Variants in ZBTB20 observed in about 807,000 individuals in gnomAD.
ZBTB20 encodes zinc finger and BTB domain containing 20.
Under a neutral mutation model 56.9 loss-of-function variants are expected in ZBTB20, and 9 were observed. That is an observed-to-expected ratio of 0.16 (90% CI 0.10 to 0.28). The LOEUF is 0.28. Among genes scored for constraint, ZBTB20 ranks in the 10% least tolerant of loss-of-function variants. The probability of loss-of-function intolerance (pLI) is 1.00; values close to 1 mark genes in which losing one functional copy is unlikely to be tolerated. For missense variants in ZBTB20, 655 were observed against 1,003.0 expected, an observed-to-expected ratio of 0.65 and a Z score of 4.69; for synonymous variants, 417 against 420.7, an observed-to-expected ratio of 0.99 and a Z score of 0.11.
intron 5 of ZBTB20, chr3:114,710,394 T>G (rs1188328691): frequency 6.6e-6 from 1 of 152,218 alleles, no homozygotes; most frequent in Non-Finnish European, 1.5e-5. Flanking sequence ...TCCTGTCTCA[T>G]GTATCCAACT....
intron 6 of ZBTB20, among the ~76,000 whole-genome samples, chr3:114,662,882 C>CAGA (rs924640981): frequency 2.6e-5 from 4 of 152,050 alleles, no homozygotes; most frequent in Non-Finnish European, 4.4e-5. Context: ...TTTTGCTGTG[C>CAGA]AGAAGCTCTT....
At chr3:114,777,360 C>T (rs2069682130) in intron 5 of ZBTB20, among the ~76,000 whole-genome samples, 2 of 151,864 alleles carry the variant, frequency 1.3e-5, no homozygotes, top group Admixed American at 6.6e-5. Context: ...CAAAATTAGC[C>T]GGGCATGGTG....
At chr3:114,661,124 G>A (rs1328380070) in intron 6 of ZBTB20, among the ~76,000 whole-genome samples, 1 of 152,094 alleles carries the variant, frequency 6.6e-6, no homozygotes, top group African/African-American at 2.4e-5. Flanking sequence ...ATTGTACTCA[G>A]GGTCCTAAGA....
At chr3:115,093,963 T>C (rs2083289789) in intron 1 of ZBTB20, among the ~76,000 whole-genome samples, 1 of 152,134 alleles carries the variant, frequency 6.6e-6, no homozygotes, top group Non-Finnish European at 1.5e-5. Flanking sequence ...AGTCTTTTTA[T>C]TTCATTATAC....
intron 8 of ZBTB20, among the ~76,000 whole-genome samples, chr3:114,381,596 T>C (rs756487016): frequency 7.9e-5 from 12 of 152,242 alleles, no homozygotes; most frequent in Non-Finnish European, 1.6e-4. Flanking sequence ...TGTAGAAGAC[T>C]ATGTGTGGTA....
intron 7 of ZBTB20, among the ~76,000 whole-genome samples, chr3:114,482,546 C>G (rs554639404): frequency 6.6e-6 from 1 of 152,230 alleles, no homozygotes; most frequent in African/African-American, 2.4e-5. Context: ...TTATCTTAAT[C>G]TACACAAATT....
intron 2 of ZBTB20, among the ~76,000 whole-genome samples, chr3:115,065,045 T>C (rs998748554): frequency 1.3e-5 from 2 of 152,158 alleles, no homozygotes; most frequent in African/African-American, 4.8e-5. Flanking sequence ...TTCTTTGCTC[T>C]CGCCTGCCTT....
At chr3:115,019,280 G>C (rs1390273308) in intron 2 of ZBTB20, among the ~76,000 whole-genome samples, 2 of 151,176 alleles carry the variant, frequency 1.3e-5, no homozygotes, top group South Asian at 4.1e-4. Context: ...AATAATTTAT[G>C]ATCATATTCA....
chr3:115,077,609 C>T (rs544987542), intron 1 of ZBTB20, among the ~76,000 whole-genome samples: 2 of 152,298 alleles, frequency 1.3e-5, no homozygotes, highest in South Asian at 2.1e-4. Context: ...AGTAGACATA[C>T]AAATGGCCAA....
At chr3:114,649,199 A>G (rs975879744) in intron 6 of ZBTB20, among the ~76,000 whole-genome samples, 4 of 152,022 alleles carry the variant, frequency 2.6e-5, no homozygotes, top group Non-Finnish European at 5.9e-5. Context: ...GGTGTCCACC[A>G]CAATGTTTTC....
chr3:114,676,618 A>G (rs1008302036), intron 6 of ZBTB20, among the ~76,000 whole-genome samples: 1 of 152,122 alleles, frequency 6.6e-6, no homozygotes, highest in African/African-American at 2.4e-5. Context: ...GTGTATTAAC[A>G]TTCATAACAA....
chr3:114,804,228 AAAACAAAAC>A (rs2071932866), intron 4 of ZBTB20, among the ~76,000 whole-genome samples: 1 of 151,438 alleles, frequency 6.6e-6, no homozygotes, highest in Non-Finnish European at 1.5e-5. Flanking sequence ...AGTCAATAAA[AAAACAAAAC>A]AAAACAAAAC....
intron 2 of ZBTB20, among the ~76,000 whole-genome samples, chr3:115,051,028 A>C (rs1016033644): frequency 1.3e-5 from 2 of 152,118 alleles, no homozygotes. Context: ...GAAATTCCAA[A>C]ACGCTGTTAT....
chr3:114,859,545 G>C (rs1183267319), intron 4 of ZBTB20, among the ~76,000 whole-genome samples: 3 of 147,262 alleles, frequency 2.0e-5, no homozygotes, highest in African/African-American at 7.4e-5. Flanking sequence ...GCTAACTTAG[G>C]GGGAAATTTA....
intron 4 of ZBTB20, among the ~76,000 whole-genome samples, chr3:114,820,448 A>G (rs991505325): frequency 2.0e-5 from 3 of 152,098 alleles, no homozygotes; most frequent in African/African-American, 7.2e-5. Flanking sequence ...AAAGAGGCAG[A>G]GCAAATACTT....
At chr3:115,078,613 G>GTGTGTATATATATA (rs769630983) in intron 1 of ZBTB20, among the ~76,000 whole-genome samples, 10 of 137,826 alleles carry the variant, frequency 7.3e-5, no homozygotes, top group South Asian at 7.2e-4. Flanking sequence ...GTGTGTGTGT[G>GTGTGTATATATATA]TATATATATA....
intron 1 of ZBTB20, among the ~76,000 whole-genome samples, chr3:115,091,095 T>C (rs954073679): frequency 6.6e-5 from 10 of 151,736 alleles, no homozygotes; most frequent in African/African-American, 2.4e-4. Context: ...TGGAGCTCAA[T>C]TAACCAAAAA....
chr3:114,858,558 G>A (rs1006393080), intron 4 of ZBTB20, among the ~76,000 whole-genome samples: 20 of 151,738 alleles, frequency 1.3e-4, no homozygotes, highest in African/African-American at 4.8e-4. Flanking sequence ...GTGTGATGTT[G>A]AAAGAAATCA....
At chr3:114,867,581 G>A (rs996382864) in intron 4 of ZBTB20, among the ~76,000 whole-genome samples, 2 of 151,970 alleles carry the variant, frequency 1.3e-5, no homozygotes, top group South Asian at 2.1e-4. Context: ...GGTTACAGAC[G>A]CACCCCACCA....
Sources: gnomAD v4.1 joint callset for allele counts (sites outside exome capture counted in the v4.1 genomes callset) on GRCh38, gnomAD v4.1.1 for gene constraint, MANE v1.5 for transcripts, NCBI Gene and HGNC (gene_info 2026-07-23, HGNC 2026-07-21) for gene names.